Variants in AFG2A observed in about 807,000 individuals in gnomAD.
AFG2A encodes the protein AAA ATPase AFG2A.
chr4:123,169,542 A>G, the AFG2A span, among the ~76,000 whole-genome samples: 2 of 152,174 alleles, frequency 1.3e-5, no homozygotes, highest in Admixed American at 1.3e-4. Flanking sequence ...CAGTGGCATG[A>G]TCTCAGCTCA....
the AFG2A span, among the ~76,000 whole-genome samples, chr4:123,251,100 T>A: frequency 6.6e-6 from 1 of 152,228 alleles, no homozygotes; most frequent in South Asian, 2.1e-4. Flanking sequence ...CTAAAAAAAA[T>A]AAATAAATAA....
At chr4:123,308,386 G>A in the AFG2A span, among the ~76,000 whole-genome samples, 19 of 152,128 alleles carry the variant, frequency 1.2e-4, no homozygotes, top group African/African-American at 2.9e-4. Flanking sequence ...GCCATGCACC[G>A]GTACTGGTCC....
At chr4:123,122,839 T>C in the AFG2A span, among the ~76,000 whole-genome samples, 1 of 151,750 alleles carries the variant, frequency 6.6e-6, no homozygotes, top group Non-Finnish European at 1.5e-5. Flanking sequence ...CCACATCTGC[T>C]CTTTATCCAC....
At chr4:123,285,430 G>C in the AFG2A span, among the ~76,000 whole-genome samples, 1 of 152,190 alleles carries the variant, frequency 6.6e-6, no homozygotes, top group East Asian at 1.9e-4. Flanking sequence ...AGACACTTCA[G>C]GAGAACTCAG....
At chr4:123,259,050 A>G in the AFG2A span, among the ~76,000 whole-genome samples, 1 of 151,814 alleles carries the variant, frequency 6.6e-6, no homozygotes, top group East Asian at 1.9e-4. Context: ...TATTTTTATT[A>G]GAGACAGGGT....
the AFG2A span, among the ~76,000 whole-genome samples, chr4:123,132,729 A>G: frequency 2.0e-5 from 3 of 150,610 alleles, no homozygotes; most frequent in African/African-American, 7.3e-5. Flanking sequence ...TTCAATGAAC[A>G]TGGAAGTGAA....
the AFG2A span, among the ~76,000 whole-genome samples, chr4:122,926,386 T>C: frequency 6.6e-6 from 1 of 152,362 alleles, no homozygotes; most frequent in Non-Finnish European, 1.5e-5. Context: ...GTAAGAGAAC[T>C]AATGCTCATT....
chr4:122,979,227 T>A, the AFG2A span: 1 of 1,613,634 alleles, frequency 6.2e-7, no homozygotes, highest in Non-Finnish European at 8.5e-7. Context: ...TTCCTCTCTT[T>A]ATAGGTCTCT....
At chr4:123,291,394 A>G in the AFG2A span, among the ~76,000 whole-genome samples, 4 of 152,094 alleles carry the variant, frequency 2.6e-5, no homozygotes, top group South Asian at 8.3e-4. Flanking sequence ...TGTTTTCTTC[A>G]TTATGTTACT....
At chr4:122,977,217 A>T in the AFG2A span, among the ~76,000 whole-genome samples, 1 of 152,182 alleles carries the variant, frequency 6.6e-6, no homozygotes, top group Non-Finnish European at 1.5e-5. Context: ...CCTCGGGCCC[A>T]CTGGGCTTGT....
chr4:123,310,201 T>C, the AFG2A span, among the ~76,000 whole-genome samples: 1 of 152,228 alleles, frequency 6.6e-6, no homozygotes, highest in South Asian at 2.1e-4. Flanking sequence ...TGGCGCTCTG[T>C]CAGCTGCTTG....
At chr4:123,187,743 C>A in the AFG2A span, among the ~76,000 whole-genome samples, 1 of 151,956 alleles carries the variant, frequency 6.6e-6, no homozygotes, top group African/African-American at 2.4e-5. Flanking sequence ...CACCTGTAAT[C>A]CCTGCACTTT....
chr4:123,232,175 G>A, the AFG2A span, among the ~76,000 whole-genome samples: 1 of 152,078 alleles, frequency 6.6e-6, no homozygotes, highest in East Asian at 1.9e-4. Flanking sequence ...GTAAAGCATA[G>A]TGCAATAAAA....
the AFG2A span, among the ~76,000 whole-genome samples, chr4:123,114,957 G>T: frequency 6.6e-6 from 1 of 152,228 alleles, no homozygotes; most frequent in Non-Finnish European, 1.5e-5. Flanking sequence ...GGTTGAGGCT[G>T]CAATGGCGGC....
At chr4:123,227,127 G>A in the AFG2A span, among the ~76,000 whole-genome samples, 1 of 152,052 alleles carries the variant, frequency 6.6e-6, no homozygotes, top group East Asian at 1.9e-4. Flanking sequence ...CTTGCTAGCG[G>A]TCTATCAATT....
the AFG2A span, among the ~76,000 whole-genome samples, chr4:123,100,828 C>T: frequency 6.6e-6 from 1 of 151,932 alleles, no homozygotes; most frequent in Non-Finnish European, 1.5e-5. Context: ...ACAATATATA[C>T]CAGATATAGA....
chr4:123,154,904 A>G, the AFG2A span, among the ~76,000 whole-genome samples: 4 of 152,136 alleles, frequency 2.6e-5, no homozygotes, highest in East Asian at 3.9e-4. Context: ...ATTTTGACAA[A>G]CATTAGAAAA....
At chr4:123,107,033 C>G in the AFG2A span, among the ~76,000 whole-genome samples, 2 of 152,226 alleles carry the variant, frequency 1.3e-5, no homozygotes, top group African/African-American at 4.8e-5. Flanking sequence ...ACATCTTCCA[C>G]TCTGTGCACC....
chr4:123,059,169 A>T, the AFG2A span, among the ~76,000 whole-genome samples: 10 of 54,210 alleles, frequency 1.8e-4, no homozygotes, highest in Non-Finnish European at 4.3e-4. Flanking sequence ...TATTATTATT[A>T]TACTTTAAGT....
Sources: allele counts gnomAD v4.1 joint callset (sites outside exome capture counted in the v4.1 genomes callset), GRCh38; gene constraint gnomAD v4.1.1; transcripts MANE v1.5; gene names NCBI Gene and HGNC (gene_info 2026-07-23, HGNC 2026-07-21).